The following ANKFY1 variants were observed in gnomAD, a reference collection of about 807,000 sequenced individuals.
The protein encoded by ANKFY1 is ankyrin repeat and FYVE domain containing 1, also known as ankyrin repeat and FYVE domain-containing protein 1.
Under a neutral mutation model 128.3 loss-of-function variants are expected in ANKFY1, and 47 were observed. That is an observed-to-expected ratio of 0.37 (90% CI 0.29 to 0.47). The LOEUF is 0.47. Ranked by LOEUF, ANKFY1 falls within the 20% of genes least tolerant of loss-of-function variation. The pLI is 1.00. For synonymous variants in ANKFY1, 553 were observed against 601.6 expected (o/e 0.92, Z 1.18); for missense variants, 1,222 against 1,510.6 (o/e 0.81, Z 3.17).
rs773779149 is a variant in ANKFY1, at chr17:4,181,352, G to A, written c.2142C>T (p.Ala714=). 6.2e-6 allele frequency: 10 copies of A among 1,613,944 alleles called. No individual in the cohort carries two copies. The highest frequency in any genetic ancestry group is 1.3e-5 in the African/African-American group (1 of 74,922). ...CACCAGGTCCCGGACCCCAGCATGT[G>A]GCATCACAGCCATGTCTGACCTGCA... The part of the protein sequence containing the change: ...ASTLVRHGCD[A]TCWGPGPGGC... Residue 714 remains alanine (A), a synonymous_variant, in exon 16 of 25, where the codon GCC becomes GCT. Transcript: ENST00000341657. This position sits in a 1 kb window ranked among gnomAD's most constrained non-coding sequence, Gnocchi z 4.9.
At chr17:4,218,674 C>T (rs907860837) in intron 3 of ANKFY1, among the ~76,000 whole-genome samples, 1 of 152,014 alleles carries the variant, frequency 6.6e-6, no homozygotes, top group Non-Finnish European at 1.5e-5. Flanking sequence ...CCAAAAACTA[C>T]AGAAGAAAAA....
In ANKFY1 at chr17:4,178,457, C is replaced by T. The variant is rs143438794; in HGVS notation, c.2598+400G>A. ...AAGAACCACAAAGAACAAGGACAGC[C>T]GAGGCTACTGAGCAACTGAACTCCT... On this transcript the variant is annotated intron_variant, in intron 18 of 24. Transcript: ENST00000341657. The surrounding 1 kb of genome is among the most constrained non-coding windows in gnomAD (Gnocchi z 4.1). 2,382 of 226,914 alleles carry T rather than the reference C, an allele frequency of 0.01. 23 individuals are homozygous for T. The highest frequency in any genetic ancestry group is 0.016 in the Non-Finnish European group (1,774 of 110,366). The allele number at this position is 226,914 out of a possible 1,614,324, so 14.1% of individuals were successfully genotyped here. A position where few individuals can be genotyped will look rare whatever the true frequency, so the allele number is the denominator to read the frequency against.
At position 4,242,523 on chromosome 17, in the gene ANKFY1, T is replaced by C. The variant is rs12709336; in HGVS notation, c.11-75A>G. ...TGGCATTCACTAATCCCTCATCCCATAGACAGGAAAGCTCCCAAAGTGACT... is the reference window on the plus strand; with the variant it reads ...TGGCATTCACTAATCCCTCATCCCACAGACAGGAAAGCTCCCAAAGTGACT... On this transcript the variant is annotated intron_variant, in intron 1 of 24. Transcript: ENST00000341657. 0.37 allele frequency: 493,293 copies of C among 1,328,900 alleles called. 93,133 individuals carry two copies. Among genetic ancestry groups the C allele is most frequent in the Admixed American group, 0.42 (15,975 of 37,978 alleles). The allele number at this position is 1,328,900 out of a possible 1,614,324, so 82.3% of individuals were successfully genotyped here.
intron 11 of ANKFY1, chr17:4,188,576 T>C (rs2143007079): frequency 6.6e-6 from 1 of 152,298 alleles, no homozygotes; most frequent in South Asian, 2.1e-4. Flanking sequence ...AAAGGGATAA[T>C]AGCCTTAAAG....
At chr17:4,212,550 A>C (rs2060151820) in intron 4 of ANKFY1, among the ~76,000 whole-genome samples, 1 of 152,230 alleles carries the variant, frequency 6.6e-6, no homozygotes, top group African/African-American at 2.4e-5. Flanking sequence ...CTAAAACCTG[A>C]AATTCCTTTA....
intron 12 of ANKFY1, 148 bp downstream of exon 12, chr17:4,184,670 C>A: frequency 1.2e-6 from 1 of 821,374 alleles, no homozygotes. Context: ...AGACTACATG[C>A]TTCTCTAGTT....
At chr17:4,247,398 A>G (rs1967601499) in intron 1 of ANKFY1, among the ~76,000 whole-genome samples, 2 of 152,232 alleles carry the variant, frequency 1.3e-5, no homozygotes, top group Non-Finnish European at 2.9e-5. Flanking sequence ...GGTAATGAGC[A>G]GAGAAGAAGC....
At chr17:4,235,399 T>C (rs1966873922) in intron 3 of ANKFY1, among the ~76,000 whole-genome samples, 1 of 151,314 alleles carries the variant, frequency 6.6e-6, no homozygotes, top group Admixed American at 6.6e-5. Context: ...TTTTAAGCAA[T>C]TTGACAGCAG....
chr17:4,263,693 C>T, intron 1 of ANKFY1: 1 of 1,517,992 alleles, frequency 6.6e-7, no homozygotes, highest in Non-Finnish European at 8.8e-7. Flanking sequence ...CCTGCCAGCC[C>T]GGCTCCGCAG....
At chr17:4,172,978 G>C (rs2059349125) in intron 21 of ANKFY1, among the ~76,000 whole-genome samples, 1 of 152,190 alleles carries the variant, frequency 6.6e-6, no homozygotes, top group Non-Finnish European at 1.5e-5. Context: ...TCCTGCCTCA[G>C]CCTGAGTATC....
chr17:4,195,240 C>T, intron 9 of ANKFY1, 63 bp from the exon 10 acceptor site: 1 of 1,499,222 alleles, frequency 6.7e-7, no homozygotes, highest in Non-Finnish European at 9.1e-7. Context: ...ATACTGACAA[C>T]AACCTGGTTC....
At position 4,167,695 on chromosome 17, in the gene ANKFY1, T is replaced by A; in HGVS notation, c.*84A>T. On this transcript the variant is annotated 3_prime_UTR_variant, in exon 25 of 25. Coordinates refer to ENST00000341657, the MANE Select transcript of ANKFY1 (RefSeq NM_001330063.2). This position sits in a 1 kb window ranked among gnomAD's most constrained non-coding sequence, Gnocchi z 4.1. ...CCGCAGGAAGACACCCGCCAGCTCC[T>A]GCTCTGGGTGGGGTCAGGCTGGTGA... The A allele has an allele frequency of 1.4e-6, 2 of 1,396,232 alleles. No homozygotes were observed. Among genetic ancestry groups the A allele is most frequent in the Non-Finnish European group, 1.9e-6 (2 of 1,045,392 alleles). 86.5% of individuals were successfully genotyped at this position (1,396,232 alleles called of 1,614,324 possible).
chr17:4,174,181 G>T, intron 19 of ANKFY1, 125 bp from the exon 20 acceptor site: 1 of 1,146,046 alleles, frequency 8.7e-7, no homozygotes, highest in Non-Finnish European at 1.2e-6. Context: ...TGACAGAGCT[G>T]GGAGCATAGG....
chr17:4,210,028 C>G, intron 4 of ANKFY1, 81 bp from the exon 5 acceptor site: 1 of 1,414,410 alleles, frequency 7.1e-7, no homozygotes, highest in South Asian at 1.3e-5. Flanking sequence ...CATCTTTGTA[C>G]TGGCTGGCTA....
intron 16 of ANKFY1, among the ~76,000 whole-genome samples, chr17:4,180,760 C>CAAAAAAAAAA (rs11392631): frequency 1.7e-5 from 1 of 58,020 alleles, no homozygotes; most frequent in Non-Finnish European, 3.4e-5. Flanking sequence ...GACTCTGTCT[C>CAAAAAAAAAA]AAAAAAAAAA....
At chr17:4,180,760 CAAAAAAAA>C (rs11392631) in intron 16 of ANKFY1, among the ~76,000 whole-genome samples, 7 of 58,026 alleles carry the variant, frequency 1.2e-4, no homozygotes, top group South Asian at 1.4e-3. Flanking sequence ...GACTCTGTCT[CAAAAAAAA>C]AAAAAAAAAA....
rs2059192988 is a variant in ANKFY1 at position 4,165,332 on chromosome 17, A to AGTG, written c.*2444_*2446dup. The stretch of plus-strand genomic sequence containing the variant: ...ACTTTTCCTGCTCTACTCATTCAGA[A>AGTG]GTGGCAACTTTCTGAATGAATTTAA... On this transcript the variant is annotated 3_prime_UTR_variant, in exon 25 of 25. Transcript: ENST00000341657. The AGTG allele has an allele frequency of 6.6e-6, 1 of 152,224 alleles. No individual in the cohort carries two copies. The highest frequency in any genetic ancestry group is 2.1e-4 in the South Asian group (1 of 4,832). The allele number at this position is 152,224 out of a possible 1,614,324, so 9.4% of individuals were successfully genotyped here.
At chr17:4,250,890 C>T (rs1967792654) in intron 1 of ANKFY1, among the ~76,000 whole-genome samples, 1 of 152,118 alleles carries the variant, frequency 6.6e-6, no homozygotes. Flanking sequence ...CCACTTTGGT[C>T]TTTTAAACTG....
In ANKFY1 at chr17:4,164,232, C is replaced by G. The variant is rs1289896586; in HGVS notation, c.*3547G>C. ...GTCTCGACTCAAGACTCCCTAGCTG[C>G]AGAAAACCAATGTTGTCAGTTGTAA... On this transcript the variant is annotated 3_prime_UTR_variant, in exon 25 of 25. Coordinates refer to ENST00000341657, the MANE Select transcript of ANKFY1 (RefSeq NM_001330063.2). 1 of 152,650 alleles carries G rather than the reference C, an allele frequency of 6.6e-6. No homozygotes were observed. Among genetic ancestry groups the G allele is most frequent in the East Asian group, 1.9e-4 (1 of 5,202 alleles). The allele number at this position is 152,650 out of a possible 1,614,324, so 9.5% of individuals were successfully genotyped here. A position where few individuals can be genotyped will look rare whatever the true frequency, so the allele number is the denominator to read the frequency against.
Sources: allele counts gnomAD v4.1 joint callset (sites outside exome capture counted in the v4.1 genomes callset), GRCh38; gene constraint gnomAD v4.1.1; non-coding constraint Gnocchi (gnomAD v3.1); transcripts MANE v1.5; gene names NCBI Gene and HGNC (gene_info 2026-07-23, HGNC 2026-07-21).